CIMIP6: variants seen among roughly 807,000 people sequenced by gnomAD.
CIMIP6 encodes the protein uncharacterized protein C2orf73.
chr2:54,334,762 G>C, the CIMIP6 span: 3 of 1,170,758 alleles, frequency 2.6e-6, no homozygotes, highest in Non-Finnish European at 3.6e-6. Flanking sequence ...ACATAATTTT[G>C]ACTCAATATT....
the CIMIP6 span, among the ~76,000 whole-genome samples, chr2:54,376,627 G>A: frequency 6.6e-6 from 1 of 152,276 alleles, no homozygotes; most frequent in East Asian, 1.9e-4. Flanking sequence ...AGTCACCCAG[G>A]ATAACGCACT....
the CIMIP6 span, among the ~76,000 whole-genome samples, chr2:54,364,440 G>A: frequency 1.3e-5 from 2 of 152,156 alleles, no homozygotes; most frequent in Admixed American, 6.5e-5. Context: ...GCATAAATTT[G>A]TATATGTTAA....
chr2:54,332,821 A>C, the CIMIP6 span, among the ~76,000 whole-genome samples: 2 of 152,252 alleles, frequency 1.3e-5, no homozygotes, highest in South Asian at 2.1e-4. Flanking sequence ...ATAATAAATT[A>C]ATTGACCCCA....
chr2:54,381,705 C>T, the CIMIP6 span: 2 of 1,212,770 alleles, frequency 1.6e-6, no homozygotes, highest in Non-Finnish European at 2.2e-6. Flanking sequence ...CCTTTCACTC[C>T]TGTGCCATCT....
At chr2:54,378,060 C>A in the CIMIP6 span, among the ~76,000 whole-genome samples, 2 of 152,148 alleles carry the variant, frequency 1.3e-5, no homozygotes, top group Non-Finnish European at 2.9e-5. Flanking sequence ...TTTAGAGAGC[C>A]CTGCAGAGCC....
the CIMIP6 span, chr2:54,360,313 C>CA: frequency 5.5e-5 from 88 of 1,611,298 alleles, no homozygotes; most frequent in Non-Finnish European, 7.3e-5. Flanking sequence ...CAGAACAGTC[C>CA]AAAAAAACAG....
chr2:54,330,919 G>A, the CIMIP6 span: 2 of 1,570,412 alleles, frequency 1.3e-6, no homozygotes, highest in African/African-American at 2.7e-5. Flanking sequence ...TTTCCTGGCA[G>A]GGCTGCGTCC....
the CIMIP6 span, among the ~76,000 whole-genome samples, chr2:54,364,185 C>T: frequency 1.3e-5 from 2 of 152,108 alleles, no homozygotes; most frequent in Non-Finnish European, 2.9e-5. Context: ...ATTCCATAGT[C>T]TATTAAAGTC....
chr2:54,350,085 A>T, the CIMIP6 span, among the ~76,000 whole-genome samples: 3 of 152,136 alleles, frequency 2.0e-5, no homozygotes, highest in Non-Finnish European at 4.4e-5. Context: ...TGAACTCCTG[A>T]CCTCAGGTGA....
the CIMIP6 span, chr2:54,330,958 C>A: frequency 6.2e-7 from 1 of 1,613,070 alleles, no homozygotes; most frequent in East Asian, 2.2e-5. Context: ...TCCTCGCTGC[C>A]TGGTGCCGTA....
At chr2:54,366,070 G>A in the CIMIP6 span, among the ~76,000 whole-genome samples, 5 of 152,080 alleles carry the variant, frequency 3.3e-5, no homozygotes, top group African/African-American at 4.8e-5. Context: ...CATTACCTCT[G>A]TCTTACTAAT....
At chr2:54,365,711 C>T in the CIMIP6 span, among the ~76,000 whole-genome samples, 1 of 152,140 alleles carries the variant, frequency 6.6e-6, no homozygotes, top group African/African-American at 2.4e-5. Flanking sequence ...CCAATTAAAC[C>T]TCATTTCTTT....
At chr2:54,364,770 C>T in the CIMIP6 span, among the ~76,000 whole-genome samples, 1 of 152,202 alleles carries the variant, frequency 6.6e-6, no homozygotes, top group South Asian at 2.1e-4. Flanking sequence ...ATTTAAAATA[C>T]TCTTTGTTAG....
At chr2:54,353,760 TGA>T in the CIMIP6 span, among the ~76,000 whole-genome samples, 1 of 152,190 alleles carries the variant, frequency 6.6e-6, no homozygotes, top group Non-Finnish European at 1.5e-5. Flanking sequence ...AAATTACCAC[TGA>T]TGTTCTGTCC....
chr2:54,349,325 T>A, the CIMIP6 span, among the ~76,000 whole-genome samples: 1 of 152,088 alleles, frequency 6.6e-6, no homozygotes. Context: ...GAGAAAAATA[T>A]TACTGGTGAA....
At chr2:54,337,147 T>G in the CIMIP6 span, among the ~76,000 whole-genome samples, 1 of 152,206 alleles carries the variant, frequency 6.6e-6, no homozygotes, top group African/African-American at 2.4e-5. Context: ...CTCCACTTCT[T>G]TCCTCATCTC....
At chr2:54,348,263 C>T in the CIMIP6 span, among the ~76,000 whole-genome samples, 4 of 152,258 alleles carry the variant, frequency 2.6e-5, no homozygotes, top group African/African-American at 4.8e-5. Context: ...AGAAACAACA[C>T]GTAAAGTGCC....
the CIMIP6 span, chr2:54,383,522 C>A: frequency 1.3e-5 from 2 of 152,298 alleles, no homozygotes; most frequent in South Asian, 4.1e-4. Context: ...TGGAGGAGTG[C>A]TACCCTAGAA....
chr2:54,381,117 G>T, the CIMIP6 span, among the ~76,000 whole-genome samples: 1 of 152,136 alleles, frequency 6.6e-6, no homozygotes, highest in African/African-American at 2.4e-5. Context: ...AGGAATTTGA[G>T]ATCACATTTC....
Sources: allele counts gnomAD v4.1 joint callset (sites outside exome capture counted in the v4.1 genomes callset), GRCh38; gene constraint gnomAD v4.1.1; transcripts MANE v1.5; gene names NCBI Gene and HGNC (gene_info 2026-07-23, HGNC 2026-07-21).